Variants in LPIN2 observed in about 807,000 individuals in gnomAD.
LPIN2 encodes phosphatidate phosphatase LPIN2.
Under a neutral mutation model 111.4 loss-of-function variants are expected in LPIN2, and 55 were observed. The ratio of observed to expected loss-of-function variants is 0.49; its 90% CI spans 0.40 to 0.62. The LOEUF (loss-of-function observed/expected upper bound fraction) is 0.62, where lower values mean the gene tolerates loss of function less well. Among genes scored for constraint, LPIN2 ranks in the 20% least tolerant of loss-of-function variants. LPIN2 has a pLI of 0.00. For synonymous variants in LPIN2, 425 were observed against 414.0 expected (o/e 1.03, Z -0.32); for missense variants, 992 against 1,112.1 (o/e 0.89, Z 1.54).
In LPIN2 at chr18:2,927,874, T is replaced by C. The variant is rs1205624005; in HGVS notation, c.1621-63A>G. 2.9e-6 allele frequency: 4 copies of C among 1,359,952 alleles called. No individual in the cohort carries two copies. The East Asian group carries it at 6.9e-5, about 23-fold the overall frequency. 84.2% of individuals were successfully genotyped at this position (1,359,952 alleles called of 1,614,324 possible). On this transcript the variant is annotated intron_variant, in intron 11 of 19. Coordinates refer to ENST00000677752, the MANE Select transcript of LPIN2 (RefSeq NM_001375808.2). ...CTGGCCACACAGCACCTACCTTCTA[T>C]GCTAGCCTGAAGGACGGGGCCTTAC...
rs2076981789 is a variant in LPIN2 at position 2,917,150 on chromosome 18, C to T, written c.*3143G>A. ...ACAATTAACTTTGGACAACTTAAAA[C>T]TTATTAGTGACATTGCTGTCTAATA... is the stretch of plus-strand genomic sequence containing the variant. On this transcript the variant is annotated 3_prime_UTR_variant, in exon 20 of 20. Transcript: ENST00000677752. The T allele has an allele frequency of 6.6e-6, 1 of 152,184 alleles. No homozygotes were observed. The highest frequency in any genetic ancestry group is 2.4e-5 in the African/African-American group (1 of 41,438). 9.4% of individuals were successfully genotyped at this position (152,184 alleles called of 1,614,324 possible).
Position 2,925,368 on chromosome 18 carries a change from C to G in LPIN2, c.1794G>C (p.Arg598Ser). The G allele has an allele frequency of 6.2e-7, 1 of 1,614,030 alleles. No homozygotes were observed. Among genetic ancestry groups the G allele is most frequent in the Non-Finnish European group, 8.5e-7 (1 of 1,179,970 alleles). The change falls in exon 14 of 20, where the codon AGG (arginine) becomes AGC (serine). Residue 598 changes from arginine to serine, a missense_variant and splice_region_variant. Physicochemically the swap from Arg to Ser is moderately radical, Grantham distance 110. This residue lies in a region of LPIN2 where 709 missense variants were observed against 753.2 expected (regional missense o/e 0.94). Coordinates refer to ENST00000677752, the MANE Select transcript of LPIN2 (RefSeq NM_001375808.2). This position sits in a 1 kb window ranked among gnomAD's most constrained non-coding sequence, Gnocchi z 4.1. ...CACTCGAGGAGTCATTCTCGGCCGG[C>G]CTGTTCAACATTAGCCCAGTTACGG... ...PSSSKEPAGA[R>S]PAENDSSSDE... is the part of the protein sequence containing the mutation.
chr18:2,955,319 C>T (rs1421100224), intron 2 of LPIN2, among the ~76,000 whole-genome samples: 2 of 152,066 alleles, frequency 1.3e-5, no homozygotes, highest in Non-Finnish European at 1.5e-5. Context: ...CTCAGGAAAC[C>T]TTTACTCACG....
intron 1 of LPIN2, among the ~76,000 whole-genome samples, chr18:2,965,969 T>C (rs1249785758): frequency 6.6e-6 from 1 of 152,182 alleles, no homozygotes; most frequent in East Asian, 1.9e-4. Flanking sequence ...AGGGTTTCAC[T>C]GTGTTGCCCA....
chr18:2,998,474 T>C (rs2143458993), intron 1 of LPIN2, among the ~76,000 whole-genome samples: 1 of 152,298 alleles, frequency 6.6e-6, no homozygotes, highest in East Asian at 1.9e-4. Context: ...AGCAGTGAAC[T>C]TGGCTGACAA....
At chr18:2,965,681 G>T (rs933769012) in intron 1 of LPIN2, among the ~76,000 whole-genome samples, 3 of 136,458 alleles carry the variant, frequency 2.2e-5, no homozygotes, top group Admixed American at 8.1e-5. Flanking sequence ...AGTGAGCTGA[G>T]ATCGTGCCAC....
chr18:2,927,327 A>T (rs2077148471), intron 12 of LPIN2, among the ~76,000 whole-genome samples: 1 of 152,204 alleles, frequency 6.6e-6, no homozygotes, highest in Non-Finnish European at 1.5e-5. Flanking sequence ...ACCTGGTGGA[A>T]CAGATTCTGG....
At chr18:2,946,481 T>C (rs751997196) in intron 4 of LPIN2, 185 of 1,552,720 alleles carry the variant, frequency 1.2e-4, no homozygotes, top group Non-Finnish European at 1.6e-4. Context: ...ATCGTCGGAA[T>C]TGGTCTCAGG....
intron 2 of LPIN2, among the ~76,000 whole-genome samples, chr18:2,955,161 G>A (rs2077590172): frequency 6.6e-6 from 1 of 152,202 alleles, no homozygotes; most frequent in Admixed American, 6.5e-5. Context: ...AAAAAATTCA[G>A]GTAGACATAT....
rs1215786797 is a variant in LPIN2 at position 2,934,420 on chromosome 18, G to A, written c.1199C>T (p.Pro400Leu). Residue 400 changes from proline to leucine, a missense_variant, in exon 8 of 20, where the codon CCT (proline) becomes CTT (leucine). Transcript: ENST00000677752. ...TAAGTCATCAAGGTAAATATCATCAGGTCCCTGGTGTTGGCTTCTTTTGTG... is the reference window on the plus strand; with the variant it reads ...TAAGTCATCAAGGTAAATATCATCAAGTCCCTGGTGTTGGCTTCTTTTGTG... ...GVHKRSQHQG[P>L]DDIYLDDLKG... The A allele has an allele frequency of 1.2e-6, 2 of 1,613,450 alleles. No individual in the cohort carries two copies. The highest frequency in any genetic ancestry group is 1.7e-6 in the Non-Finnish European group (2 of 1,179,730).
In LPIN2 at chr18:2,920,840, T is replaced by C. The variant is rs761194035; in HGVS notation, c.2484A>G (p.Arg828=). 5.0e-6 allele frequency: 8 copies of C among 1,614,066 alleles called. No homozygotes were observed. The Admixed American group carries it at 1.3e-4, about 27-fold the overall frequency. Residue 828 remains arginine (R), a synonymous_variant, in exon 19 of 20, where the codon AGA becomes AGG. Coordinates refer to ENST00000677752, the MANE Select transcript of LPIN2 (RefSeq NM_001375808.2). The part of the protein sequence containing the change: ...AYTQVGVPDC[R]IFTVNPKGEL... The stretch of plus-strand genomic sequence containing the variant: ...CACCCTTGGGGTTCACGGTGAATAT[T>C]CTACAGTCTGGAACTCCAACTTGTG...
At chr18:2,949,455 C>T (rs2077501246) in intron 4 of LPIN2, among the ~76,000 whole-genome samples, 1 of 152,166 alleles carries the variant, frequency 6.6e-6, no homozygotes, top group Admixed American at 6.5e-5. Context: ...TACTTTTCCA[C>T]TATTGCTTTC....
rs2077012729 is a variant in LPIN2, at chr18:2,919,203, A to G, written c.*1090T>C. ...GGGGTCTCACAGGGCTAGGCTGGGGACACTGCTCGGGGGGCAGTCTGCTCC... is the reference window on the plus strand; with the variant it reads ...GGGGTCTCACAGGGCTAGGCTGGGGGCACTGCTCGGGGGGCAGTCTGCTCC... On this transcript the variant is annotated 3_prime_UTR_variant, in exon 20 of 20. Transcript: ENST00000677752. 6.6e-6 allele frequency: 1 copy of G among 152,198 alleles called. No individual in the cohort carries two copies. The highest frequency in any genetic ancestry group is 1.5e-5 in the Non-Finnish European group (1 of 68,052). 9.4% of individuals were successfully genotyped at this position (152,198 alleles called of 1,614,324 possible). A position where few individuals can be genotyped will look rare whatever the true frequency, so the allele number is the denominator to read the frequency against.
chr18:2,932,648 G>A (rs116164623), intron 8 of LPIN2, among the ~76,000 whole-genome samples: 3 of 152,314 alleles, frequency 2.0e-5, no homozygotes, highest in Non-Finnish European at 2.9e-5. Context: ...CGGGGCACAC[G>A]GCGAGGCCCC....
chr18:2,926,327 TG>T (rs1195721099), intron 13 of LPIN2, among the ~76,000 whole-genome samples: 1 of 152,174 alleles, frequency 6.6e-6, no homozygotes, highest in African/African-American at 2.4e-5. Context: ...CTCTCAGGGC[TG>T]CTCACCCTAA....
At chr18:2,950,585 T>C (rs1247661132) in intron 4 of LPIN2, 1 of 189,252 alleles carries the variant, frequency 5.3e-6, no homozygotes, top group African/African-American at 2.4e-5. Flanking sequence ...TAATGAGCTC[T>C]TCTACAGAGC....
chr18:2,960,173 AATGTGTGTGTGTGT>A (rs1253334192), intron 2 of LPIN2, among the ~76,000 whole-genome samples: 1 of 76,434 alleles, frequency 1.3e-5, no homozygotes, highest in Non-Finnish European at 2.8e-5. Flanking sequence ...CCGACTCAAA[AATGTGTGTGTGTGT>A]GTGTGTGTGT....
At chr18:2,928,959 A>T in intron 10 of LPIN2, 106 bp downstream of exon 10, 1 of 802,566 alleles carries the variant, frequency 1.2e-6, no homozygotes, top group Non-Finnish European at 2.2e-6. Context: ...TTTATATGAG[A>T]TGACAAGTTT....
intron 3 of LPIN2, among the ~76,000 whole-genome samples, chr18:2,951,832 T>C (rs867119391): frequency 6.6e-5 from 10 of 152,214 alleles, no homozygotes; most frequent in African/African-American, 2.2e-4. Context: ...GATGCAGTGA[T>C]ACAGAGCGGC....
Sources: gnomAD v4.1 joint callset for allele counts (sites outside exome capture counted in the v4.1 genomes callset) on GRCh38, gnomAD v4.1.1 for gene constraint, gnomAD v4.1.1 regional missense constraint, Gnocchi (gnomAD v3.1) non-coding constraint, MANE v1.5 for transcripts, NCBI Gene and HGNC (gene_info 2026-07-23, HGNC 2026-07-21) for gene names.